Variants in DNAJB14 observed in about 807,000 individuals in gnomAD.
The protein encoded by DNAJB14 is DnaJ heat shock protein family (Hsp40) member B14.
In DNAJB14, 22 loss-of-function variants were observed where a neutral mutation model predicts 48.4. The observed-to-expected ratio is 0.45, with a 90% CI of 0.32 to 0.65. DNAJB14 has a LOEUF of 0.65. DNAJB14 is among the 30% of genes least tolerant of loss of function. The pLI is 0.03. For synonymous variants in DNAJB14, 142 were observed against 158.7 expected (o/e 0.89, Z 0.79); for missense variants, 319 against 458.8 (o/e 0.70, Z 2.78).
chr4:99,904,154 T>C (rs553242443), intron 6 of DNAJB14, among the ~76,000 whole-genome samples: 3 of 152,176 alleles, frequency 2.0e-5, no homozygotes, highest in Admixed American at 2.0e-4. Context: ...AAACACAGCA[T>C]CATAGGTGGA....
At chr4:99,941,434 TC>T (rs1726887384) in intron 1 of DNAJB14, among the ~76,000 whole-genome samples, 1 of 152,186 alleles carries the variant, frequency 6.6e-6, no homozygotes. Context: ...TCAAGTTTTT[TC>T]CTATAGAAAT....
chr4:99,920,369 A>G (rs1301745308), intron 3 of DNAJB14, among the ~76,000 whole-genome samples: 4 of 152,202 alleles, frequency 2.6e-5, no homozygotes, highest in Non-Finnish European at 4.4e-5. Context: ...AACTACCAGA[A>G]CTAATACAAG....
intron 3 of DNAJB14, among the ~76,000 whole-genome samples, chr4:99,918,212 C>T (rs985601222): frequency 6.6e-6 from 1 of 152,106 alleles, no homozygotes; most frequent in African/African-American, 2.4e-5. Flanking sequence ...TTTCTATTTT[C>T]TAGCTCACCA....
At position 99,896,494 on chromosome 4, in the gene DNAJB14, A is replaced by T. The variant is rs1725150794; in HGVS notation, c.*4534T>A. 1 of 152,212 alleles carries T rather than the reference A, an allele frequency of 6.6e-6. No individual in the cohort carries two copies. Among genetic ancestry groups the T allele is most frequent in the South Asian group, 2.1e-4 (1 of 4,834 alleles). The allele number at this position is 152,212 out of a possible 1,614,324, so 9.4% of individuals were successfully genotyped here. ...AAGCTCTCCTTTACCAATTTCATTT[A>T]ACTTATACAAGGCTTCCATTATAAT... is the stretch of plus-strand genomic sequence containing the variant. On this transcript the variant is annotated 3_prime_UTR_variant, in exon 8 of 8. Transcript: ENST00000442697.
intron 2 of DNAJB14, chr4:99,924,559 A>G: frequency 1.8e-6 from 1 of 557,538 alleles, no homozygotes. Flanking sequence ...ATTTTATTCC[A>G]AAAACATGAC....
intron 4 of DNAJB14, 109 bp from the exon 5 acceptor site, chr4:99,906,720 G>T: frequency 2.3e-6 from 2 of 863,894 alleles, no homozygotes; most frequent in Non-Finnish European, 3.5e-6. Context: ...AATAATGCAT[G>T]TGTATTTTCA....
chr4:99,932,467 A>G (rs116075502), intron 1 of DNAJB14, among the ~76,000 whole-genome samples: 1,609 of 152,282 alleles, frequency 0.011, 37 homozygotes, highest in African/African-American at 0.036. Flanking sequence ...AAAGAGAAGT[A>G]TCACTTCAAA....
chr4:99,915,272 G>C (rs1725813629), intron 3 of DNAJB14, among the ~76,000 whole-genome samples: 1 of 152,078 alleles, frequency 6.6e-6, no homozygotes, highest in Non-Finnish European at 1.5e-5. Context: ...CGAGTAGCTG[G>C]GACCACAGGC....
intron 1 of DNAJB14, 143 bp from the exon 2 acceptor site, chr4:99,930,764 C>A: frequency 9.2e-6 from 7 of 763,062 alleles, no homozygotes; most frequent in Non-Finnish European, 1.4e-5. Flanking sequence ...AGCACGCATT[C>A]CCCTAAGTAC....
At chr4:99,924,866 A>T in intron 2 of DNAJB14, 1 of 1,353,320 alleles carries the variant, frequency 7.4e-7, no homozygotes, top group Non-Finnish European at 1.1e-6. Context: ...AAAAAACTGA[A>T]TTCAACTGTA....
intron 1 of DNAJB14, among the ~76,000 whole-genome samples, chr4:99,931,145 C>T (rs1726453328): frequency 6.6e-6 from 1 of 152,038 alleles, no homozygotes; most frequent in Non-Finnish European, 1.5e-5. Context: ...AAGATTTTCA[C>T]TAGAGGATAC....
chr4:99,942,536 A>C (rs1399159153), intron 1 of DNAJB14: 1 of 152,100 alleles, frequency 6.6e-6, no homozygotes, highest in Non-Finnish European at 1.5e-5. Context: ...CTATTCATAT[A>C]TATCAATACT....
intron 4 of DNAJB14, among the ~76,000 whole-genome samples, chr4:99,907,973 T>G (rs60203069): frequency 0.038 from 5,748 of 152,268 alleles, 286 homozygotes; most frequent in East Asian, 0.24. Flanking sequence ...TGATGTACTA[T>G]ATGCCTTAGC....
chr4:99,944,896 G>A (rs1013028676), intron 1 of DNAJB14, among the ~76,000 whole-genome samples: 2 of 152,230 alleles, frequency 1.3e-5, no homozygotes, highest in Admixed American at 1.3e-4. Flanking sequence ...TTTTTTTAAA[G>A]AGGAATTCTT....
chr4:99,921,224 A>C (rs895794549), intron 3 of DNAJB14, among the ~76,000 whole-genome samples: 1 of 152,212 alleles, frequency 6.6e-6, no homozygotes, highest in Non-Finnish European at 1.5e-5. Flanking sequence ...TCTGATTTAC[A>C]GGTAATCTCT....
In DNAJB14 at chr4:99,899,901, T is replaced by C. The variant is rs1228116829; in HGVS notation, c.*1127A>G. 6.6e-6 allele frequency: 1 copy of C among 152,312 alleles called. No homozygotes were observed. Among genetic ancestry groups the C allele is most frequent in the Non-Finnish European group, 1.5e-5 (1 of 67,844 alleles). 9.4% of individuals were successfully genotyped at this position (152,312 alleles called of 1,614,324 possible). A position where few individuals can be genotyped will look rare whatever the true frequency, so the allele number is the denominator to read the frequency against. Reference sequence around the variant, plus strand: ...ATGGTAAATAGATTTTAGCTCAGAATTTTTAAAGGATGACTTGCTTTAAGT... The same window carrying C: ...ATGGTAAATAGATTTTAGCTCAGAACTTTTAAAGGATGACTTGCTTTAAGT... On this transcript the variant is annotated 3_prime_UTR_variant, in exon 8 of 8. Transcript: ENST00000442697.
chr4:99,919,052 G>A (rs985199844), intron 3 of DNAJB14, among the ~76,000 whole-genome samples: 3 of 152,180 alleles, frequency 2.0e-5, no homozygotes, highest in Admixed American at 1.3e-4. Flanking sequence ...ACAGCACAGA[G>A]GGGGTGGTAG....
chr4:99,909,372 T>C (rs1321645157), intron 3 of DNAJB14, among the ~76,000 whole-genome samples: 1 of 152,052 alleles, frequency 6.6e-6, no homozygotes, highest in East Asian at 1.9e-4. Context: ...GCACGATAAA[T>C]ACACTCTCTT....
chr4:99,909,545 G>C (rs1450168441), intron 3 of DNAJB14, among the ~76,000 whole-genome samples: 2 of 152,022 alleles, frequency 1.3e-5, no homozygotes, highest in East Asian at 1.9e-4. Flanking sequence ...CCAGCATAAA[G>C]TCTGAATTAG....
Sources: allele counts gnomAD v4.1 joint callset (sites outside exome capture counted in the v4.1 genomes callset), GRCh38; gene constraint gnomAD v4.1.1; transcripts MANE v1.5; gene names NCBI Gene and HGNC (gene_info 2026-07-23, HGNC 2026-07-21).